Variants in SHISAL1 observed in about 807,000 individuals in gnomAD.
SHISAL1 encodes shisa like 1.
In SHISAL1, 9 loss-of-function variants were observed where a neutral mutation model predicts 22.6. The observed-to-expected ratio is 0.40, with a 90% CI of 0.24 to 0.70. SHISAL1 has a LOEUF of 0.70. Ranked by LOEUF, SHISAL1 falls within the 30% of genes least tolerant of loss-of-function variation. The pLI, the probability that SHISAL1 is intolerant of heterozygous loss-of-function variation, is 0.39. For missense variants in SHISAL1, 246 were observed against 270.6 expected (o/e 0.91, Z 0.64); for synonymous variants, 119 against 115.4 (o/e 1.03, Z -0.20).
At chr22:44,297,134 C>T (rs2055392749) in intron 2 of SHISAL1, among the ~76,000 whole-genome samples, 1 of 152,214 alleles carries the variant, frequency 6.6e-6, no homozygotes, top group African/African-American at 2.4e-5. Flanking sequence ...CTTCGGTGAA[C>T]ATGCTTGACA....
chr22:44,249,661 T>A lies in SHISAL1; in HGVS notation c.*24A>T, dbSNP rs1228537265. ...GGTGCTTCAGATCTCATCTCCCCCA[T>A]CCTGAGGCACAGCAAAAGCGTTTTC... On this transcript the variant is annotated 3_prime_UTR_variant, in exon 5 of 5. Transcript: ENST00000381176. The A allele has an allele frequency of 1.3e-6, 1 of 779,656 alleles. No homozygotes were observed. Among genetic ancestry groups the A allele is most frequent in the Non-Finnish European group, 2.4e-6 (1 of 417,976 alleles). 48.3% of individuals were successfully genotyped at this position (779,656 alleles called of 1,614,324 possible). A position where few individuals can be genotyped will look rare whatever the true frequency, so the allele number is the denominator to read the frequency against.
intron 1 of SHISAL1, among the ~76,000 whole-genome samples, chr22:44,309,186 G>A (rs761987617): frequency 1.3e-5 from 2 of 152,198 alleles, no homozygotes; most frequent in African/African-American, 4.8e-5. Context: ...ATCACCTAAC[G>A]AGTCTCTACT....
intron 4 of SHISAL1, among the ~76,000 whole-genome samples, chr22:44,281,059 G>A (rs921570410): frequency 2.0e-5 from 3 of 152,116 alleles, no homozygotes; most frequent in Admixed American, 6.5e-5. Flanking sequence ...AGCTTCCCTC[G>A]GTGCCCCCTC....
chr22:44,330,394 CT>C, the SHISAL1 span, among the ~76,000 whole-genome samples: 1 of 152,326 alleles, frequency 6.6e-6, no homozygotes, highest in South Asian at 2.1e-4. Context: ...GCTGGGATGC[CT>C]TTAAGTGACA....
Position 44,300,960 on chromosome 22 carries a change from T to G in SHISAL1, c.-15A>C. 1 of 1,613,652 alleles carries G rather than the reference T, an allele frequency of 6.2e-7. No homozygotes were observed. The highest frequency in any genetic ancestry group is 8.5e-7 in the Non-Finnish European group (1 of 1,179,598). ...CAACTGGTCATCGTCTGGCTTGCAT[T>G]GATCCGTCCAGAGCTGCCTGTTCAA... On this transcript the variant is annotated 5_prime_UTR_variant, in exon 2 of 5. Coordinates refer to ENST00000381176, the MANE Select transcript of SHISAL1 (RefSeq NM_001099294.2).
intron 1 of SHISAL1, among the ~76,000 whole-genome samples, chr22:44,303,911 G>A (rs1466603748): frequency 6.9e-6 from 1 of 145,042 alleles, no homozygotes; most frequent in Non-Finnish European, 1.5e-5. Flanking sequence ...CTCCCTGCCC[G>A]CTCCATCCTG....
chr22:44,291,627 C>A (rs1428500862), intron 3 of SHISAL1, among the ~76,000 whole-genome samples: 1 of 152,180 alleles, frequency 6.6e-6, no homozygotes, highest in Non-Finnish European at 1.5e-5. Flanking sequence ...CATGCCTGCA[C>A]ATGCTAGGCC....
At chr22:44,263,360 T>TG (rs2055139789) in intron 4 of SHISAL1, among the ~76,000 whole-genome samples, 1 of 152,134 alleles carries the variant, frequency 6.6e-6, no homozygotes, top group South Asian at 2.1e-4. Flanking sequence ...CGTGAGCCAC[T>TG]GCACCCGGCC....
chr22:44,301,587 A>G (rs1173863403), intron 1 of SHISAL1, among the ~76,000 whole-genome samples: 1 of 152,202 alleles, frequency 6.6e-6, no homozygotes, highest in Non-Finnish European at 1.5e-5. Context: ...AGGGACTCGA[A>G]CAGATACGTA....
At chr22:44,307,104 C>T (rs768371714) in intron 1 of SHISAL1, among the ~76,000 whole-genome samples, 13 of 152,302 alleles carry the variant, frequency 8.5e-5, no homozygotes, top group African/African-American at 2.4e-4. Context: ...GACACCACTC[C>T]GGCAGCCCAA....
At chr22:44,253,005 A>T (rs567039961) in intron 4 of SHISAL1, among the ~76,000 whole-genome samples, 2 of 150,898 alleles carry the variant, frequency 1.3e-5, no homozygotes, top group Non-Finnish European at 2.9e-5. Context: ...TAAAAAAAAT[A>T]AAAAAAATAA....
chr22:44,261,768 C>T (rs536419580), intron 4 of SHISAL1, among the ~76,000 whole-genome samples: 1 of 152,384 alleles, frequency 6.6e-6, no homozygotes, highest in African/African-American at 2.4e-5. Context: ...GGAAACTGTT[C>T]CTGTGTGGCC....
chr22:44,320,885 G>C, the SHISAL1 span, among the ~76,000 whole-genome samples: 1 of 152,234 alleles, frequency 6.6e-6, no homozygotes, highest in Non-Finnish European at 1.5e-5. Flanking sequence ...AGTCTCACCA[G>C]AGGCCAGCCA....
rs971794717 is a variant in SHISAL1, at chr22:44,247,071, G to C, written c.*2614C>G. 2.6e-5 allele frequency: 4 copies of C among 152,222 alleles called. No homozygotes were observed. Among genetic ancestry groups the C allele is most frequent in the African/African-American group, 9.7e-5 (4 of 41,432 alleles). The allele number at this position is 152,222 out of a possible 1,614,324, so 9.4% of individuals were successfully genotyped here. A position where few individuals can be genotyped will look rare whatever the true frequency, so the allele number is the denominator to read the frequency against. Reference sequence around the variant, plus strand: ...GGTTGTACATCTCAAGGGATGCTTAGGTGAACCCCAGTTCTAGCTGTCTAT... The same window carrying C: ...GGTTGTACATCTCAAGGGATGCTTACGTGAACCCCAGTTCTAGCTGTCTAT... On this transcript the variant is annotated 3_prime_UTR_variant, in exon 5 of 5. Coordinates refer to ENST00000381176, the MANE Select transcript of SHISAL1 (RefSeq NM_001099294.2).
At position 44,304,703 on chromosome 22, in the gene SHISAL1, G is replaced by A. The variant is rs142067601; in HGVS notation, c.-32-3726C>T. Among the ~76,000 whole-genome samples, 203 of 152,286 alleles carry A rather than the reference G, an allele frequency of 1.3e-3. 6 individuals carry two copies. In the East Asian group the frequency reaches 0.035, roughly 26 times the overall value. Reference sequence around the variant, plus strand: ...GGAGTGCTCAGGAATGGATTTCTCCGGGGGAGTCCTATGGATCAGCCCTGG... The same window carrying A: ...GGAGTGCTCAGGAATGGATTTCTCCAGGGGAGTCCTATGGATCAGCCCTGG... On this transcript the variant is annotated intron_variant, in intron 1 of 4. Transcript: ENST00000381176.
chr22:44,260,036 AC>A (rs1205538072), intron 4 of SHISAL1, among the ~76,000 whole-genome samples: 1 of 152,182 alleles, frequency 6.6e-6, no homozygotes, highest in Non-Finnish European at 1.5e-5. Context: ...CGGTGAGTTT[AC>A]AGCCTAGCTC....
chr22:44,307,296 C>T (rs144888763), intron 1 of SHISAL1, among the ~76,000 whole-genome samples: 1 of 152,276 alleles, frequency 6.6e-6, no homozygotes, highest in Non-Finnish European at 1.5e-5. Flanking sequence ...TGCACTGTCT[C>T]AGGTGACCCC....
At chr22:44,318,017 C>T in the SHISAL1 span, among the ~76,000 whole-genome samples, 3 of 152,364 alleles carry the variant, frequency 2.0e-5, no homozygotes, top group Middle Eastern at 3.4e-3. Context: ...GAGCAGGGAC[C>T]GAGGGGCAGA....
the SHISAL1 span, among the ~76,000 whole-genome samples, chr22:44,324,249 C>A: frequency 4.8e-4 from 73 of 152,282 alleles, no homozygotes; most frequent in African/African-American, 1.7e-3. Context: ...CCCCATTGGT[C>A]ACTAGTAAGA....
Sources: gnomAD v4.1 joint callset for allele counts (sites outside exome capture counted in the v4.1 genomes callset) on GRCh38, gnomAD v4.1.1 for gene constraint, MANE v1.5 for transcripts, NCBI Gene and HGNC (gene_info 2026-07-23, HGNC 2026-07-21) for gene names.